TBC1D14: variants seen among roughly 807,000 people sequenced by gnomAD.
TBC1D14 encodes the protein TBC1 domain family, member 14.
In TBC1D14, 26 loss-of-function variants were observed where a neutral mutation model predicts 79.0. That is an observed-to-expected ratio of 0.33 (90% CI 0.24 to 0.46). The LOEUF is 0.46. TBC1D14 is among the 20% of genes least tolerant of loss of function. TBC1D14 has a pLI of 1.00. For synonymous variants in TBC1D14, 394 were observed against 349.9 expected (o/e 1.13, Z -1.40); for missense variants, 769 against 887.6 (o/e 0.87, Z 1.70).
chr4:6,965,618 T>G (rs1253663933), intron 2 of TBC1D14, among the ~76,000 whole-genome samples: 2 of 152,240 alleles, frequency 1.3e-5, no homozygotes, highest in Non-Finnish European at 2.9e-5. Context: ...CATAGCTCAC[T>G]GTAACCTTGA....
chr4:6,950,085 C>G (rs1369836338), intron 2 of TBC1D14, among the ~76,000 whole-genome samples: 2 of 152,136 alleles, frequency 1.3e-5, no homozygotes, highest in East Asian at 3.9e-4. Flanking sequence ...CCAACAGGCC[C>G]TGTTGTGTGA....
At chr4:6,915,018 G>C (rs28548735) in intron 1 of TBC1D14, among the ~76,000 whole-genome samples, 7 of 152,158 alleles carry the variant, frequency 4.6e-5, no homozygotes, top group African/African-American at 1.4e-4. Flanking sequence ...CAGCCTGGGC[G>C]ACAGAGTGAG....
At chr4:6,919,610 A>G (rs182852932) in intron 1 of TBC1D14, among the ~76,000 whole-genome samples, 71 of 151,818 alleles carry the variant, frequency 4.7e-4, no homozygotes, top group African/African-American at 1.6e-3. Flanking sequence ...TTTATTTTTT[A>G]TATTTCTTTA....
chr4:6,915,431 T>C (rs139190608), intron 1 of TBC1D14, among the ~76,000 whole-genome samples: 1 of 152,286 alleles, frequency 6.6e-6, no homozygotes, highest in East Asian at 1.9e-4. Flanking sequence ...GCATGCTGTT[T>C]ACAGGGTGAG....
At chr4:6,969,919 G>T (rs761283276) in intron 3 of TBC1D14, among the ~76,000 whole-genome samples, 4 of 152,154 alleles carry the variant, frequency 2.6e-5, no homozygotes, top group African/African-American at 7.2e-5. Context: ...CTTGTCTCTG[G>T]CCCTCTCATC....
chr4:6,911,092 A>G (rs1299351529), intron 1 of TBC1D14, among the ~76,000 whole-genome samples: 2 of 152,204 alleles, frequency 1.3e-5, no homozygotes, highest in Non-Finnish European at 1.5e-5. Flanking sequence ...CAGCAGTCTT[A>G]GAACACTTCC....
At chr4:6,978,550 G>A (rs1482401877) in intron 3 of TBC1D14, among the ~76,000 whole-genome samples, 1 of 148,774 alleles carries the variant, frequency 6.7e-6, no homozygotes, top group Non-Finnish European at 1.5e-5. Context: ...CAGCATGCTC[G>A]TTAAGAGTCA....
At chr4:6,911,625 C>T (rs891410928) in intron 1 of TBC1D14, among the ~76,000 whole-genome samples, 1 of 152,278 alleles carries the variant, frequency 6.6e-6, no homozygotes, top group African/African-American at 2.4e-5. Context: ...TGTCTCCACC[C>T]CACTCCCCGT....
At chr4:6,963,942 C>T (rs865780890) in intron 2 of TBC1D14, among the ~76,000 whole-genome samples, 4 of 152,112 alleles carry the variant, frequency 2.6e-5, no homozygotes, top group African/African-American at 4.8e-5. Flanking sequence ...GGATTACAGG[C>T]GTGCGCCACC....
At chr4:6,924,420 G>T (rs1023595560) in intron 2 of TBC1D14, among the ~76,000 whole-genome samples, 1 of 152,196 alleles carries the variant, frequency 6.6e-6, no homozygotes, top group African/African-American at 2.4e-5. Context: ...GCGGGGCCCT[G>T]TGCACTCATA....
At chr4:6,934,011 C>A (rs1433496655) in intron 2 of TBC1D14, among the ~76,000 whole-genome samples, 2 of 152,012 alleles carry the variant, frequency 1.3e-5, no homozygotes, top group Non-Finnish European at 2.9e-5. Flanking sequence ...AATAGAGTTG[C>A]CAAGTTGGAG....
In TBC1D14 at chr4:7,014,469, T is replaced by C; in HGVS notation, c.1669T>C (p.Phe557Leu). The C allele has an allele frequency of 6.2e-6, 10 of 1,613,618 alleles. No individual in the cohort carries two copies. Among genetic ancestry groups the C allele is most frequent in the Non-Finnish European group, 8.5e-6 (10 of 1,179,576 alleles). ...HGLMLTYFAA[F>L]EVFFEENLPK... Reference sequence around the variant, plus strand: ...CTAGATGTTGACTTATTTTGCTGCATTTGAAGTATTCTTTGAAGAAAATTT... The same window carrying C: ...CTAGATGTTGACTTATTTTGCTGCACTTGAAGTATTCTTTGAAGAAAATTT... The change falls in exon 12 of 14, where the codon TTT (phenylalanine) becomes CTT (leucine). Residue 557 changes from phenylalanine to leucine, a missense_variant. Phe to Leu is a conservative substitution (Grantham distance 22). Coordinates refer to ENST00000409757, the MANE Select transcript of TBC1D14 (RefSeq NM_020773.3).
At chr4:6,909,743 G>C (rs530817786), upstream of TBC1D14, 34 of 149,810 alleles carry the variant, frequency 2.3e-4, no homozygotes, top group African/African-American at 8.3e-4. Context: ...GCGCAAGTGC[G>C]TGGGGGCGTG....
intron 13 of TBC1D14, among the ~76,000 whole-genome samples, chr4:7,026,916 C>CA (rs890702675): frequency 6.0e-5 from 9 of 150,838 alleles, no homozygotes; most frequent in Admixed American, 2.0e-4. Context: ...AACAAACAAA[C>CA]AAAAAAAACA....
At chr4:7,029,453 C>T (rs950506343) in intron 13 of TBC1D14, among the ~76,000 whole-genome samples, 7 of 152,220 alleles carry the variant, frequency 4.6e-5, no homozygotes, top group African/African-American at 1.4e-4. Flanking sequence ...GGGTGCTGGG[C>T]GCGAAGCGCT....
At chr4:6,978,503 G>A (rs1226559599) in intron 3 of TBC1D14, among the ~76,000 whole-genome samples, 4 of 149,440 alleles carry the variant, frequency 2.7e-5, no homozygotes, top group Non-Finnish European at 5.9e-5. Context: ...GATTAAGGGC[G>A]GTGCAAGATG....
chr4:6,922,685 A>G (rs1723959140), intron 1 of TBC1D14, among the ~76,000 whole-genome samples: 1 of 152,098 alleles, frequency 6.6e-6, no homozygotes, highest in African/African-American at 2.4e-5. Flanking sequence ...TGACTTATGT[A>G]TGGGTTATGG....
intron 2 of TBC1D14, among the ~76,000 whole-genome samples, chr4:6,947,697 G>C (rs1344899829): frequency 6.6e-6 from 1 of 151,584 alleles, no homozygotes; most frequent in Non-Finnish European, 1.5e-5. Flanking sequence ...TGATGTTAGA[G>C]AGTGGATCCC....
At chr4:6,979,759 A>G in intron 3 of TBC1D14, among the ~76,000 whole-genome samples, 2 of 152,334 alleles carry the variant, frequency 1.3e-5, no homozygotes, top group South Asian at 4.1e-4. Context: ...AGATAAGTCT[A>G]TTAATATAAT....
Sources: gnomAD v4.1 joint callset for allele counts (sites outside exome capture counted in the v4.1 genomes callset) on GRCh38, gnomAD v4.1.1 for gene constraint, MANE v1.5 for transcripts, NCBI Gene and HGNC (gene_info 2026-07-23, HGNC 2026-07-21) for gene names.